FOXN3: variants seen among roughly 807,000 people sequenced by gnomAD.
FOXN3 encodes forkhead box protein N3.
FOXN3 carries 7 observed loss-of-function variants against 38.4 expected under a neutral mutation model. The ratio of observed to expected loss-of-function variants is 0.18; its 90% confidence interval spans 0.10 to 0.34. The LOEUF is 0.34. FOXN3 is among the 10% of genes least tolerant of loss of function. The pLI is 1.00. For synonymous variants in FOXN3, 230 were observed against 242.2 expected, an observed-to-expected ratio of 0.95 and a Z score of 0.47; for missense variants, 456 against 613.4, an observed-to-expected ratio of 0.74 and a Z score of 2.71.
intron 1 of FOXN3, among the ~76,000 whole-genome samples, chr14:89,593,114 GA>G: frequency 7.2e-6 from 1 of 138,854 alleles, no homozygotes; most frequent in Non-Finnish European, 1.6e-5. Context: ...AAAGGAGAGA[GA>G]GAGAAAGGAA....
chr14:89,445,933 T>C (rs945540884), intron 1 of FOXN3, among the ~76,000 whole-genome samples: 1 of 150,948 alleles, frequency 6.6e-6, no homozygotes, highest in African/African-American at 2.4e-5. Flanking sequence ...ACTTTAAAAA[T>C]TAGCCAGGCA....
intron 4 of FOXN3, among the ~76,000 whole-genome samples, chr14:89,279,864 T>A (rs960946544): frequency 6.6e-6 from 1 of 152,186 alleles, no homozygotes; most frequent in Non-Finnish European, 1.5e-5. Context: ...TGATGACATC[T>A]CTGACAAGGG....
intron 1 of FOXN3, among the ~76,000 whole-genome samples, chr14:89,516,834 A>G (rs1260218096): frequency 6.6e-6 from 1 of 152,142 alleles, no homozygotes; most frequent in Non-Finnish European, 1.5e-5. Flanking sequence ...AAGTGTTGGG[A>G]TGACAGGTGT....
chr14:89,552,758 C>A (rs375333563), intron 1 of FOXN3, among the ~76,000 whole-genome samples: 1 of 152,138 alleles, frequency 6.6e-6, no homozygotes, highest in East Asian at 1.9e-4. Flanking sequence ...ACTATGGAGG[C>A]TGAGACAGGA....
chr14:89,571,264 T>C (rs562269168), intron 1 of FOXN3, among the ~76,000 whole-genome samples: 6 of 152,224 alleles, frequency 3.9e-5, no homozygotes, highest in African/African-American at 1.4e-4. Context: ...ATCCCAGCAC[T>C]TTGGGAAGCC....
At chr14:89,198,820 T>G (rs6575044) in intron 4 of FOXN3, among the ~76,000 whole-genome samples, 7,637 of 152,290 alleles carry the variant, frequency 0.05, 661 homozygotes, top group African/African-American at 0.17. Flanking sequence ...CAGATACATG[T>G]GGTATGATCA....
At chr14:89,215,715 G>T (rs545512984) in intron 4 of FOXN3, among the ~76,000 whole-genome samples, 5 of 152,314 alleles carry the variant, frequency 3.3e-5, no homozygotes, top group African/African-American at 1.2e-4. Flanking sequence ...CAGAAGAAAA[G>T]TGGCTCTTCT....
chr14:89,374,209 A>G (rs927368891), intron 2 of FOXN3, among the ~76,000 whole-genome samples: 1 of 130,404 alleles, frequency 7.7e-6, no homozygotes, highest in African/African-American at 2.8e-5. Context: ...GGCTGCAGTG[A>G]GCCATGACTG....
chr14:89,336,087 T>G (rs967780628), intron 3 of FOXN3, among the ~76,000 whole-genome samples: 4 of 151,742 alleles, frequency 2.6e-5, no homozygotes, highest in African/African-American at 9.7e-5. Context: ...TGTGTGATTC[T>G]CCCCACCCTA....
chr14:89,162,730 C>T lies in FOXN3; in HGVS notation c.1091G>A (p.Ser364Asn), dbSNP rs146154259. 2 of 1,613,882 alleles carry T rather than the reference C, an allele frequency of 1.2e-6. No individual in the cohort carries two copies. Among genetic ancestry groups the T allele is most frequent in the East Asian group, 2.2e-5 (1 of 44,880 alleles). ...GSEGSEGSFR[S>N]HESPSDTEED... ...TTCCGTGTCGCTGGGGCTCTCGTGG[C>T]TCCGGAAGCTCCCCTCGCTGCCCTC... The change falls in exon 6 of 6, where the codon AGC (serine) becomes AAC (asparagine). Residue 364 changes from serine to asparagine, a missense_variant. Transcript: ENST00000557258. The surrounding 1 kb of genome is among the most constrained non-coding windows in gnomAD (Gnocchi z 7.2).
chr14:89,550,089 G>A (rs900627307), intron 1 of FOXN3, among the ~76,000 whole-genome samples: 1 of 152,164 alleles, frequency 6.6e-6, no homozygotes, highest in African/African-American at 2.4e-5. Flanking sequence ...GCAAACACCA[G>A]TACTCTAAAT....
upstream of FOXN3, among the ~76,000 whole-genome samples, chr14:89,420,880 C>T (rs1360584281): frequency 1.2e-5 from 1 of 82,852 alleles, no homozygotes; most frequent in African/African-American, 4.8e-5. Context: ...ATCAGAGATA[C>T]GAATTAAAAA....
chr14:89,333,990 A>ATATATATATATATATC (rs1888352792), intron 3 of FOXN3, among the ~76,000 whole-genome samples: 3 of 90,774 alleles, frequency 3.3e-5, no homozygotes, highest in African/African-American at 1.6e-4. Flanking sequence ...ATATATATAT[A>ATATATATATATATATC]TATATATATA....
At chr14:89,224,254 C>T (rs537833229) in intron 4 of FOXN3, among the ~76,000 whole-genome samples, 1 of 152,138 alleles carries the variant, frequency 6.6e-6, no homozygotes, top group African/African-American at 2.4e-5. Flanking sequence ...ATTTCCTTTA[C>T]AAATGCAGCT....
intron 4 of FOXN3, among the ~76,000 whole-genome samples, chr14:89,271,197 G>A (rs997981915): frequency 6.6e-6 from 1 of 152,196 alleles, no homozygotes; most frequent in Admixed American, 6.5e-5. Flanking sequence ...TTAAGTCCAC[G>A]TCTGAAACTG....
At chr14:89,402,937 G>A (rs186996415) in intron 2 of FOXN3, among the ~76,000 whole-genome samples, 5 of 152,196 alleles carry the variant, frequency 3.3e-5, no homozygotes, top group African/African-American at 4.8e-5. Context: ...TCCCACACCC[G>A]AAGAATGCTT....
intron 1 of FOXN3, among the ~76,000 whole-genome samples, chr14:89,570,264 G>T (rs140128346): frequency 1.1e-4 from 17 of 152,128 alleles, no homozygotes; most frequent in African/African-American, 4.1e-4. Flanking sequence ...CTCCCAAAGC[G>T]CTGGGATTAC....
chr14:89,346,885 T>C (rs1427995913), intron 3 of FOXN3, among the ~76,000 whole-genome samples: 4 of 152,218 alleles, frequency 2.6e-5, no homozygotes, highest in African/African-American at 7.2e-5. Flanking sequence ...TCTGGACTCA[T>C]AGGTATTTAT....
At chr14:89,414,802 C>A (rs1436412074) in intron 1 of FOXN3, among the ~76,000 whole-genome samples, 2 of 152,128 alleles carry the variant, frequency 1.3e-5, no homozygotes, top group Non-Finnish European at 2.9e-5. Flanking sequence ...CCACCCGCCT[C>A]GGCCTCCCAA....
Sources: gnomAD v4.1 joint callset for allele counts (sites outside exome capture counted in the v4.1 genomes callset) on GRCh38, gnomAD v4.1.1 for gene constraint, Gnocchi (gnomAD v3.1) non-coding constraint, MANE v1.5 for transcripts, NCBI Gene and HGNC (gene_info 2026-07-23, HGNC 2026-07-21) for gene names.